BIVM: variants seen among roughly 807,000 people sequenced by gnomAD.
The protein encoded by BIVM is basic immunoglobulin-like variable motif-containing protein.
A neutral mutation model predicts 61.4 loss-of-function variants in BIVM; 31 were observed. The observed-to-expected ratio is 0.51, with a 90% CI of 0.38 to 0.68. The LOEUF (loss-of-function observed/expected upper bound fraction) is 0.68, where lower values mean the gene tolerates loss of function less well. BIVM is among the 30% of genes least tolerant of loss of function. The pLI is 0.00. For synonymous variants in BIVM, 189 were observed against 210.7 expected, an observed-to-expected ratio of 0.90 and a Z score of 0.89; for missense variants, 526 against 596.0, an observed-to-expected ratio of 0.88 and a Z score of 1.22.
intron 8 of BIVM, 92 bp from the exon 9 acceptor site, chr13:102,834,374 A>G: frequency 8.0e-7 from 1 of 1,253,918 alleles, no homozygotes; most frequent in Non-Finnish European, 1.1e-6. Context: ...AGGTTTGAAT[A>G]CACTCTAGTA....
At chr13:102,830,819 C>T (rs1172657365) in intron 7 of BIVM, among the ~76,000 whole-genome samples, 1 of 152,134 alleles carries the variant, frequency 6.6e-6, no homozygotes, top group Non-Finnish European at 1.5e-5. Flanking sequence ...AACAGGCCCC[C>T]ATCTCACAGA....
At position 102,821,055 on chromosome 13, in the gene BIVM, A is replaced by G. The variant is rs761129673; in HGVS notation, c.624A>G (p.Pro208=). The G allele has an allele frequency of 5.6e-6, 9 of 1,612,880 alleles. No individual in the cohort carries two copies. The African/African-American group carries it at 1.1e-4, about 19-fold the overall frequency. ...DLRRWYCISR[P]QYKTSCGISS... ...TTCTCAGGTACTGCATAAGCCGACC[A>G]CAGTATAAGACTTCTTGTGGCATCT... Residue 208 remains proline (P), a synonymous_variant, in exon 5 of 11, where the codon CCA becomes CCG. Coordinates refer to ENST00000257336, the MANE Select transcript of BIVM (RefSeq NM_017693.4).
chr13:102,816,831 G>T lies in BIVM; in HGVS notation c.605+277G>T, dbSNP rs892166956. The T allele has an allele frequency of 1.1e-4, 20 of 182,672 alleles. 2 individuals carry two copies. In the East Asian group the frequency reaches 2.4e-3, roughly 22 times the overall value. 11.3% of individuals were successfully genotyped at this position (182,672 alleles called of 1,614,324 possible). The stretch of plus-strand genomic sequence containing the variant: ...ATTTAACAATGATTAACCTTTTGAT[G>T]TAGTTAAATACTTAGCTTTTCATTG... On this transcript the variant is annotated intron_variant, in intron 4 of 10. Coordinates refer to ENST00000257336, the MANE Select transcript of BIVM (RefSeq NM_017693.4).
At chr13:102,809,845 G>C (rs964701938) in intron 3 of BIVM, among the ~76,000 whole-genome samples, 2 of 149,970 alleles carry the variant, frequency 1.3e-5, no homozygotes, top group African/African-American at 4.9e-5. Flanking sequence ...GAGTGCAGTG[G>C]CGCGATCTCG....
At chr13:102,801,359 C>T (rs1475595479) in intron 1 of BIVM, 2 of 152,048 alleles carry the variant, frequency 1.3e-5, no homozygotes, top group Admixed American at 1.3e-4. Flanking sequence ...GCCTTGCCTC[C>T]TGAGTAGCTG....
chr13:102,839,268 A>C (rs2140505499), intron 10 of BIVM, among the ~76,000 whole-genome samples: 2 of 152,314 alleles, frequency 1.3e-5, no homozygotes, highest in East Asian at 3.9e-4. Context: ...AATAGGAGAG[A>C]GAGGAAAAGG....
Position 102,821,120 on chromosome 13 carries a change from T to C in BIVM, c.689T>C (p.Met230Thr), listed in dbSNP as rs1372378690. 2 of 1,612,386 alleles carry C rather than the reference T, an allele frequency of 1.2e-6. No homozygotes were observed. Among genetic ancestry groups the C allele is most frequent in the Non-Finnish European group, 1.7e-6 (2 of 1,179,604 alleles). Reference protein sequence around the residue: ...ISCWNFLYSTMGAGNLPPITQ... With the variant: ...ISCWNFLYSTTGAGNLPPITQ... ...TGTTGGAATTTCTTATACAGCACAATGGGAGCTGGAAAGTAAGTATGTCAA... is the reference window on the plus strand; with the variant it reads ...TGTTGGAATTTCTTATACAGCACAACGGGAGCTGGAAAGTAAGTATGTCAA... The change falls in exon 5 of 11, where the codon ATG (methionine) becomes ACG (threonine). Residue 230 changes from methionine to threonine, a missense_variant. This residue lies in a region of BIVM where 312 missense variants were observed against 343.8 expected (regional missense o/e 0.91). Coordinates refer to ENST00000257336, the MANE Select transcript of BIVM (RefSeq NM_017693.4).
intron 4 of BIVM, among the ~76,000 whole-genome samples, chr13:102,819,604 G>A (rs1208622683): frequency 1.3e-5 from 2 of 152,102 alleles, no homozygotes; most frequent in Non-Finnish European, 2.9e-5. Context: ...GCCCTGTCGC[G>A]GGGTGGGAAC....
chr13:102,838,453 G>A (rs1881629907), intron 9 of BIVM, among the ~76,000 whole-genome samples, 190 bp from the exon 10 acceptor site: 1 of 152,192 alleles, frequency 6.6e-6, no homozygotes. Context: ...CTTGGCAACG[G>A]TTGGATAAAC....
intron 9 of BIVM, among the ~76,000 whole-genome samples, chr13:102,837,674 A>G (rs1249471347): frequency 6.6e-6 from 1 of 152,252 alleles, no homozygotes; most frequent in Non-Finnish European, 1.5e-5. Flanking sequence ...CAATGAGTGG[A>G]TAAAGAAAAT....
intron 9 of BIVM, among the ~76,000 whole-genome samples, chr13:102,838,145 CTTCA>C (rs1285069555): frequency 6.6e-6 from 1 of 152,134 alleles, no homozygotes; most frequent in Admixed American, 6.5e-5. Flanking sequence ...AATTTCATTT[CTTCA>C]TTATTTGCTG....
At chr13:102,815,646 A>G (rs1456930926) in intron 3 of BIVM, among the ~76,000 whole-genome samples, 1 of 152,220 alleles carries the variant, frequency 6.6e-6, no homozygotes, top group Non-Finnish European at 1.5e-5. Context: ...AAAAAATTAA[A>G]AAGTACAAAT....
At position 102,807,452 on chromosome 13, in the gene BIVM, C is replaced by T. The variant is rs1386430120; in HGVS notation, c.185C>T (p.Thr62Ile). 3 of 1,614,170 alleles carry T rather than the reference C, an allele frequency of 1.9e-6. No homozygotes were observed. Among genetic ancestry groups the T allele is most frequent in the East Asian group, 2.2e-5 (1 of 44,878 alleles). ...CCATGGAGTTGTCCAGTGACTCATA[C>T]ACGGGAAAAAATTTATGCCATCTGT... is the stretch of plus-strand genomic sequence containing the variant. The part of the protein sequence containing the change: ...HYPWSCPVTH[T>I]REKIYAICSD... Residue 62 changes from threonine to isoleucine, a missense_variant, in exon 3 of 11, where the codon ACA becomes ATA. By Grantham distance (89) the Thr-to-Ile change is moderately conservative (BLOSUM62 -1). Coordinates refer to ENST00000257336, the MANE Select transcript of BIVM (RefSeq NM_017693.4). This position sits in a 1 kb window ranked among gnomAD's most constrained non-coding sequence, Gnocchi z 4.0.
chr13:102,836,243 C>T (rs1595366121), intron 9 of BIVM, among the ~76,000 whole-genome samples: 3 of 152,042 alleles, frequency 2.0e-5, no homozygotes, highest in East Asian at 3.8e-4. Flanking sequence ...TTTGCCTACC[C>T]CACGACCTCA....
Position 102,807,003 on chromosome 13 carries a change from G to C in BIVM, c.-122-143G>C, listed in dbSNP as rs1879153949. The C allele has an allele frequency of 8.8e-6, 3 of 339,504 alleles. No homozygotes were observed. In the East Asian group the frequency reaches 1.4e-4, roughly 15 times the overall value. The allele number at this position is 339,504 out of a possible 1,614,324, so 21.0% of individuals were successfully genotyped here. ...TATTTTAGACTAATTTAAAAAATAA[G>C]ATAGTGATTGTGACTCCAGTCATAT... On this transcript the variant is annotated intron_variant, in intron 2 of 10. Coordinates refer to ENST00000257336, the MANE Select transcript of BIVM (RefSeq NM_017693.4). This position sits in a 1 kb window ranked among gnomAD's most constrained non-coding sequence, Gnocchi z 4.0.
At chr13:102,809,650 T>A (rs1879341158) in intron 3 of BIVM, among the ~76,000 whole-genome samples, 1 of 152,248 alleles carries the variant, frequency 6.6e-6, no homozygotes, top group African/African-American at 2.4e-5. Flanking sequence ...TTTTAAAAAC[T>A]AATACATGTC....
intron 7 of BIVM, among the ~76,000 whole-genome samples, chr13:102,831,166 A>G (rs2140492373): frequency 6.6e-6 from 1 of 152,296 alleles, no homozygotes; most frequent in African/African-American, 2.4e-5. Flanking sequence ...ACAGTGGTAT[A>G]TGTATATACT....
At chr13:102,816,722 G>T in intron 4 of BIVM, 168 bp downstream of exon 4, 2 of 616,350 alleles carry the variant, frequency 3.2e-6, no homozygotes, top group Non-Finnish European at 2.3e-6. Flanking sequence ...GTTTGAAGTA[G>T]ATTAATAATG....
intron 3 of BIVM, among the ~76,000 whole-genome samples, chr13:102,808,626 C>T (rs1879269758): frequency 6.6e-6 from 1 of 151,986 alleles, no homozygotes; most frequent in Admixed American, 6.6e-5. Flanking sequence ...CTGCAATTTT[C>T]TTTTTGTCTA....
Sources: gnomAD v4.1 joint callset for allele counts (sites outside exome capture counted in the v4.1 genomes callset) on GRCh38, gnomAD v4.1.1 for gene constraint, gnomAD v4.1.1 regional missense constraint, Gnocchi (gnomAD v3.1) non-coding constraint, MANE v1.5 for transcripts, NCBI Gene and HGNC (gene_info 2026-07-23, HGNC 2026-07-21) for gene names.